ITSN2: variants seen among roughly 807,000 people sequenced by gnomAD.
The protein encoded by ITSN2 is intersectin 2.
ITSN2 carries 156 observed loss-of-function variants against 243.7 expected under a neutral mutation model. The observed-to-expected ratio is 0.64, with a 90% CI of 0.56 to 0.73. ITSN2 has a LOEUF of 0.73. Among genes scored for constraint, ITSN2 ranks in the 30% least tolerant of loss-of-function variants. The pLI is 0.00. For missense variants in ITSN2, 1,801 were observed against 1,996.1 expected, an observed-to-expected ratio of 0.90 and a Z score of 1.86; for synonymous variants, 703 against 699.9, an observed-to-expected ratio of 1.00 and a Z score of -0.07.
At position 24,300,001 on chromosome 2, in the gene ITSN2, T is replaced by G. The variant is rs1681516335; in HGVS notation, c.1252A>C (p.Lys418Gln). ...AAGCGTTTTTCTAATTCAAGTTGTT[T>G]CTTCCATTCTTGTTCTTGTAATTCT... ...QRELQEQEWKKQLELEKRLEK... is the reference protein window; with the variant it reads ...QRELQEQEWKQQLELEKRLEK... The change falls in exon 12 of 40, where the codon AAA becomes CAA. Residue 418 changes from lysine to glutamine, a missense_variant. Coordinates refer to ENST00000355123, the MANE Select transcript of ITSN2 (RefSeq NM_006277.3). 1 of 1,614,102 alleles carries G rather than the reference T, an allele frequency of 6.2e-7. No individual in the cohort carries two copies. The highest frequency in any genetic ancestry group is 8.5e-7 in the Non-Finnish European group (1 of 1,180,030).
chr2:24,333,167 C>T (rs976710181), intron 1 of ITSN2, among the ~76,000 whole-genome samples: 2 of 152,240 alleles, frequency 1.3e-5, no homozygotes, highest in Admixed American at 1.3e-4. Context: ...AGCCCATGAA[C>T]TTCCCATGGG....
chr2:24,324,014 C>G (rs538797386), intron 2 of ITSN2, among the ~76,000 whole-genome samples: 45 of 152,204 alleles, frequency 3.0e-4, no homozygotes, highest in African/African-American at 1.1e-3. Context: ...GGGTGGATCA[C>G]GAGGTCAGGA....
chr2:24,267,380 A>AC (rs1676789869), intron 20 of ITSN2, among the ~76,000 whole-genome samples: 1 of 94,076 alleles, frequency 1.1e-5, no homozygotes, highest in Non-Finnish European at 2.3e-5. Context: ...AACTTAAAGT[A>AC]TAAAAAAAAA....
intron 7 of ITSN2, among the ~76,000 whole-genome samples, chr2:24,309,107 CTG>C (rs985436657): frequency 4.5e-4 from 68 of 152,324 alleles, no homozygotes; most frequent in African/African-American, 1.6e-3. Context: ...TGCTTCAAGT[CTG>C]TGAAAAAACT....
At chr2:24,292,234 G>C (rs1181233891) in intron 15 of ITSN2, among the ~76,000 whole-genome samples, 1 of 152,124 alleles carries the variant, frequency 6.6e-6, no homozygotes, top group Non-Finnish European at 1.5e-5. Flanking sequence ...CAGCTGCACT[G>C]AATTACATTC....
chr2:24,278,811 C>T (rs1678382058), intron 17 of ITSN2, among the ~76,000 whole-genome samples: 1 of 152,054 alleles, frequency 6.6e-6, no homozygotes, highest in African/African-American at 2.4e-5. Flanking sequence ...GCCACCACGC[C>T]CGGCTAATTT....
chr2:24,307,855 G>A (rs765976518), intron 8 of ITSN2, among the ~76,000 whole-genome samples: 2 of 152,036 alleles, frequency 1.3e-5, no homozygotes, highest in Non-Finnish European at 2.9e-5. Flanking sequence ...AATCTCTGTC[G>A]AAATCCTAAC....
chr2:24,320,879 G>A (rs893705571), intron 2 of ITSN2, among the ~76,000 whole-genome samples: 2 of 152,186 alleles, frequency 1.3e-5, no homozygotes, highest in Admixed American at 1.3e-4. Context: ...AGACCAACCT[G>A]CTGCTTGGAG....
Position 24,330,698 on chromosome 2 carries a change from T to G in ITSN2, c.-33-2583A>C, listed in dbSNP as rs1214718390. The stretch of plus-strand genomic sequence containing the variant: ...GAAGTGTGTGTATTTTTTATAACTG[T>G]GTACTTCTGGTGACAGTAGTTTGAA... On this transcript the variant is annotated intron_variant, in intron 1 of 39. Transcript: ENST00000355123. 3 of 692,754 alleles carry G rather than the reference T, an allele frequency of 4.3e-6. No homozygotes were observed. The African/African-American group carries it at 5.3e-5, about 12-fold the overall frequency. The allele number at this position is 692,754 out of a possible 1,614,324, so 42.9% of individuals were successfully genotyped here. A position where few individuals can be genotyped will look rare whatever the true frequency, so the allele number is the denominator to read the frequency against.
chr2:24,266,910 C>G (rs1676721184), intron 20 of ITSN2, among the ~76,000 whole-genome samples: 1 of 151,874 alleles, frequency 6.6e-6, no homozygotes. Flanking sequence ...GCACTCCAGC[C>G]TGGGTAACAG....
chr2:24,347,061 C>T (rs1411064101), intron 1 of ITSN2, among the ~76,000 whole-genome samples: 2 of 151,926 alleles, frequency 1.3e-5, no homozygotes, highest in Admixed American at 6.6e-5. Flanking sequence ...GACAGGGTTT[C>T]ACCATATTGG....
chr2:24,274,076 T>C (rs1296053245), intron 18 of ITSN2, among the ~76,000 whole-genome samples: 1 of 152,186 alleles, frequency 6.6e-6, no homozygotes, highest in East Asian at 1.9e-4. Flanking sequence ...GTGAACACGA[T>C]GAAGAAAGAT....
chr2:24,224,301 G>A (rs890368866), intron 29 of ITSN2, among the ~76,000 whole-genome samples: 22 of 152,214 alleles, frequency 1.4e-4, no homozygotes, highest in African/African-American at 4.6e-4. Flanking sequence ...AAACGTACTC[G>A]TGTTTGAAGT....
chr2:24,301,874 A>T, intron 10 of ITSN2, 91 bp downstream of exon 10: 1 of 1,227,940 alleles, frequency 8.1e-7, no homozygotes, highest in Non-Finnish European at 1.1e-6. Flanking sequence ...TTGAATACTA[A>T]AATCAATGGC....
At chr2:24,208,534 C>T (rs1048388070) in intron 36 of ITSN2, among the ~76,000 whole-genome samples, 1 of 152,230 alleles carries the variant, frequency 6.6e-6, no homozygotes, top group African/African-American at 2.4e-5. Context: ...AAATGCCAGG[C>T]ACTCGCAAGG....
At chr2:24,324,753 T>G (rs1245580197) in intron 2 of ITSN2, among the ~76,000 whole-genome samples, 1 of 147,784 alleles carries the variant, frequency 6.8e-6, no homozygotes, top group Admixed American at 7.0e-5. Context: ...CTCTGGAGGC[T>G]GAGGCAGAAG....
intron 20 of ITSN2, among the ~76,000 whole-genome samples, chr2:24,262,728 C>A (rs1381534149): frequency 6.6e-6 from 1 of 152,210 alleles, no homozygotes; most frequent in Non-Finnish European, 1.5e-5. Flanking sequence ...CTTCCCGAAG[C>A]AACATGCCTA....
At position 24,211,041 on chromosome 2, in the gene ITSN2, G is replaced by A; in HGVS notation, c.4090-94C>T. ...GACCGCTCCTCCAACCCCATGTTAT[G>A]GACTGCTTCCATGCCCTGGAAACGC... On this transcript the variant is annotated intron_variant, in intron 33 of 39. Transcript: ENST00000355123. The surrounding 1 kb of genome is among the most constrained non-coding windows in gnomAD (Gnocchi z 4.1). 1 of 1,233,422 alleles carries A rather than the reference G, an allele frequency of 8.1e-7. No homozygotes were observed. The highest frequency in any genetic ancestry group is 1.2e-6 in the Non-Finnish European group (1 of 865,286). 76.4% of individuals were successfully genotyped at this position (1,233,422 alleles called of 1,614,324 possible). A position where few individuals can be genotyped will look rare whatever the true frequency, so the allele number is the denominator to read the frequency against.
intron 29 of ITSN2, among the ~76,000 whole-genome samples, chr2:24,226,260 A>C (rs1027904208): frequency 6.6e-6 from 1 of 152,208 alleles, no homozygotes; most frequent in Non-Finnish European, 1.5e-5. Context: ...CTGGGCTGCA[A>C]AAAAGCCAAT....
Sources: gnomAD v4.1 joint callset for allele counts (sites outside exome capture counted in the v4.1 genomes callset) on GRCh38, gnomAD v4.1.1 for gene constraint, Gnocchi (gnomAD v3.1) non-coding constraint, MANE v1.5 for transcripts, NCBI Gene and HGNC (gene_info 2026-07-23, HGNC 2026-07-21) for gene names.